GORASP2: variants seen among roughly 807,000 people sequenced by gnomAD.
GORASP2 encodes golgi reassembly stacking protein 2.
In GORASP2, 22 loss-of-function variants were observed where a neutral mutation model predicts 45.7. The observed-to-expected ratio is 0.48, with a 90% confidence interval of 0.34 to 0.69. GORASP2 has a LOEUF of 0.69. GORASP2 is among the 30% of genes least tolerant of loss of function. The pLI, the probability that GORASP2 is intolerant of heterozygous loss-of-function variation, is 0.01. For synonymous variants in GORASP2, 221 were observed against 215.6 expected (o/e 1.02, Z -0.22); for missense variants, 491 against 562.7 (o/e 0.87, Z 1.29).
chr2:170,950,113 A>T lies in GORASP2; in HGVS notation c.349-91A>T, dbSNP rs13417630. 5,034 of 667,974 alleles carry T rather than the reference A, an allele frequency of 7.5e-3. 117 individuals are homozygous for T. The highest frequency in any genetic ancestry group is 0.056 in the African/African-American group (2,961 of 52,648). 41.4% of individuals were successfully genotyped at this position (667,974 alleles called of 1,614,324 possible). On this transcript the variant is annotated intron_variant, in intron 3 of 9. Coordinates refer to ENST00000234160, the MANE Select transcript of GORASP2 (RefSeq NM_015530.5). Reference sequence around the variant, plus strand: ...TAGCAAGACAGAAGTATACAGATTTAAAAAATCAACATAATTAAAAATTGG... The same window carrying T: ...TAGCAAGACAGAAGTATACAGATTTTAAAAATCAACATAATTAAAAATTGG...
chr2:170,949,844 T>C lies in GORASP2; in HGVS notation c.348+102T>C, dbSNP rs550660325. The C allele has an allele frequency of 2.8e-6, 3 of 1,061,310 alleles. No individual in the cohort carries two copies. The South Asian group carries it at 4.3e-5, about 15-fold the overall frequency. The allele number at this position is 1,061,310 out of a possible 1,614,324, so 65.7% of individuals were successfully genotyped here. On this transcript the variant is annotated intron_variant, in intron 3 of 9. Transcript: ENST00000234160. ...GCTTAATAAGATTGTAAGGATATTA[T>C]TAATAGGCAATTTTTGCCAAAAATC...
At chr2:170,936,992 G>A (rs1575468958) in intron 1 of GORASP2, among the ~76,000 whole-genome samples, 1 of 152,030 alleles carries the variant, frequency 6.6e-6, no homozygotes, top group Non-Finnish European at 1.5e-5. Context: ...GTGGATCACC[G>A]AGGTCAGGAG....
upstream of GORASP2, chr2:170,929,128 C>A: frequency 2.5e-6 from 1 of 404,600 alleles, no homozygotes; most frequent in Non-Finnish European, 4.3e-6. Context: ...AGCGCTCGGG[C>A]CCCTTCCAGT....
At chr2:170,958,672 TTTA>T (rs1704482697) in intron 7 of GORASP2, among the ~76,000 whole-genome samples, 4 of 73,564 alleles carry the variant, frequency 5.4e-5, no homozygotes, top group Admixed American at 1.7e-4. Context: ...TTTTTTTTTT[TTTA>T]AAAAAAAAAA....
chr2:170,934,246 TG>T (rs887921953), intron 1 of GORASP2, among the ~76,000 whole-genome samples: 34 of 97,334 alleles, frequency 3.5e-4, no homozygotes, highest in Non-Finnish European at 7.1e-4. Flanking sequence ...ACTCATACCC[TG>T]TTTTTTTTTT....
Position 170,951,314 on chromosome 2 carries a change from T to C in GORASP2, c.436-14T>C. The stretch of plus-strand genomic sequence containing the variant: ...TGGTAACGTGAAACATTTTCTCCTG[T>C]GACACTTTTGCAGTCTGAAGATCTA... On this transcript the variant is annotated splice_polypyrimidine_tract_variant and intron_variant, in intron 4 of 9. Transcript: ENST00000234160. 1.3e-6 allele frequency: 2 copies of C among 1,585,974 alleles called. No individual in the cohort carries two copies. Among genetic ancestry groups the C allele is most frequent in the Non-Finnish European group, 1.7e-6 (2 of 1,168,936 alleles).
At chr2:170,956,855 A>G (rs1281363416) in intron 7 of GORASP2, among the ~76,000 whole-genome samples, 1 of 152,184 alleles carries the variant, frequency 6.6e-6, no homozygotes, top group Admixed American at 6.5e-5. Context: ...TTGTGGCAGC[A>G]GTGAGCCGTG....
chr2:170,948,001 G>A (rs987846055), intron 1 of GORASP2, among the ~76,000 whole-genome samples: 1 of 152,128 alleles, frequency 6.6e-6, no homozygotes, highest in African/African-American at 2.4e-5. Context: ...CGCACCTATA[G>A]TCCTCCCAGG....
intron 1 of GORASP2, among the ~76,000 whole-genome samples, chr2:170,935,687 C>T (rs1025418083): frequency 6.6e-6 from 1 of 151,744 alleles, no homozygotes; most frequent in Non-Finnish European, 1.5e-5. Flanking sequence ...ATCCTCCCCC[C>T]TCTCAGCCTC....
chr2:170,954,032 C>G (rs1448931074), intron 5 of GORASP2: 1 of 152,346 alleles, frequency 6.6e-6, no homozygotes, highest in Non-Finnish European at 1.5e-5. Context: ...AGACATCAGA[C>G]TAGAAAGAAG....
intron 1 of GORASP2, among the ~76,000 whole-genome samples, chr2:170,945,365 G>A (rs1002433094): frequency 6.6e-6 from 1 of 151,672 alleles, no homozygotes; most frequent in East Asian, 1.9e-4. Context: ...GCTGCGTGTG[G>A]TGGTGCGCTA....
chr2:170,963,374 C>G (rs1216153145), intron 9 of GORASP2, among the ~76,000 whole-genome samples: 2 of 76,606 alleles, frequency 2.6e-5, no homozygotes, highest in Non-Finnish European at 5.0e-5. Flanking sequence ...GACTTCATCT[C>G]AAAAAAAAAA....
Position 170,965,974 on chromosome 2 carries a change from T to A in GORASP2, c.1203T>A (p.Thr401=). The change falls in exon 10 of 10, where the codon ACT becomes ACA. Residue 401 remains threonine (T), a synonymous_variant. Transcript: ENST00000234160. ...CACCCTCCGACCCTGCCACAACTACTGCAAAGGCAGACGCTGCCTCCTCAC... is the reference window on the plus strand; with the variant it reads ...CACCCTCCGACCCTGCCACAACTACAGCAAAGGCAGACGCTGCCTCCTCAC... ...SNAPSDPATT[T]AKADAASSLT... The A allele has an allele frequency of 6.2e-7, 1 of 1,613,932 alleles. No individual in the cohort carries two copies. Among genetic ancestry groups the A allele is most frequent in the South Asian group, 1.1e-5 (1 of 91,080 alleles).
intron 9 of GORASP2, among the ~76,000 whole-genome samples, chr2:170,965,186 G>C (rs558574004): frequency 1.3e-5 from 2 of 151,736 alleles, no homozygotes; most frequent in Non-Finnish European, 2.9e-5. Context: ...AAGTGCTGGG[G>C]TTACAGGCGT....
intron 1 of GORASP2, chr2:170,936,650 T>C: frequency 7.7e-7 from 1 of 1,299,792 alleles, no homozygotes; most frequent in Non-Finnish European, 1.0e-6. Flanking sequence ...CTCAAGCACA[T>C]TGTCAGAAAT....
intron 7 of GORASP2, among the ~76,000 whole-genome samples, 177 bp downstream of exon 7, chr2:170,956,736 C>T (rs1439489029): frequency 1.9e-5 from 2 of 107,448 alleles, no homozygotes; most frequent in Non-Finnish European, 4.1e-5. Context: ...GGTGGAACCA[C>T]GTCTCTAAAA....
intron 1 of GORASP2, among the ~76,000 whole-genome samples, chr2:170,938,970 G>C (rs778324202): frequency 2.6e-5 from 4 of 151,974 alleles, no homozygotes; most frequent in Non-Finnish European, 4.4e-5. Context: ...TCCAACCTGG[G>C]AACAAGAGGG....
At chr2:170,929,087 CG>C (rs1703747299), upstream of GORASP2, 1 of 381,544 alleles carries the variant, frequency 2.6e-6, no homozygotes, top group Non-Finnish European at 4.7e-6. Flanking sequence ...AGTCCTCCTC[CG>C]GCCCTCCCTC....
intron 1 of GORASP2, chr2:170,929,861 C>T: frequency 2.2e-6 from 1 of 448,062 alleles, no homozygotes; most frequent in Non-Finnish European, 4.7e-6. Flanking sequence ...CCTGCGGCGG[C>T]AGGTGTTAAA....
Sources: allele counts gnomAD v4.1 joint callset (sites outside exome capture counted in the v4.1 genomes callset), GRCh38; gene constraint gnomAD v4.1.1; transcripts MANE v1.5; gene names NCBI Gene and HGNC (gene_info 2026-07-23, HGNC 2026-07-21).